NDUFA10: variants seen among roughly 807,000 people sequenced by gnomAD.
The protein encoded by NDUFA10 is NADH dehydrogenase [ubiquinone] 1 alpha subcomplex subunit 10, mitochondrial.
Under a neutral mutation model 47.8 loss-of-function variants are expected in NDUFA10, and 40 were observed. The ratio of observed to expected loss-of-function variants is 0.84; its 90% CI spans 0.65 to 1.09. NDUFA10 has a LOEUF of 1.09. Among genes scored for constraint, NDUFA10 ranks in the 50% least tolerant of loss-of-function variants. The pLI, the probability that NDUFA10 is intolerant of heterozygous loss-of-function variation, is 0.00. For synonymous variants in NDUFA10, 183 were observed against 172.2 expected, an observed-to-expected ratio of 1.06 and a Z score of -0.49; for missense variants, 413 against 451.1, an observed-to-expected ratio of 0.92 and a Z score of 0.76.
At chr2:239,893,259 G>A (rs1047710100) in intron 5 of NDUFA10, among the ~76,000 whole-genome samples, 2 of 152,102 alleles carry the variant, frequency 1.3e-5, no homozygotes, top group Non-Finnish European at 2.9e-5. Context: ...GATCATGATC[G>A]CACAGAGGAC....
intron 7 of NDUFA10, among the ~76,000 whole-genome samples, chr2:240,006,808 C>G (rs564505973): frequency 1.2e-4 from 19 of 152,298 alleles, no homozygotes; most frequent in Admixed American, 2.6e-4. Context: ...TTAATTCTTG[C>G]ATTAACACCA....
chr2:239,895,205 C>G (rs1435997898), exon 5 of NDUFA10: 1 of 459,050 alleles, frequency 2.2e-6, no homozygotes, highest in Admixed American at 2.4e-5. Flanking sequence ...ACTCACTTAC[C>G]TATTCCCAGG....
At chr2:239,982,299 T>C (rs558502444) in intron 9 of NDUFA10, 1 of 1,572,010 alleles carries the variant, frequency 6.4e-7, no homozygotes, top group Admixed American at 1.8e-5. Context: ...TACTTGTCTT[T>C]TGCAATTTTC....
chr2:239,905,547 T>C (rs1406599215), intron 4 of NDUFA10, among the ~76,000 whole-genome samples: 1 of 152,222 alleles, frequency 6.6e-6, no homozygotes, highest in African/African-American at 2.4e-5. Context: ...TGAGCAATGC[T>C]GATTGACATG....
rs369973900 is a variant in NDUFA10 at position 239,964,510 on chromosome 2, G to A, written c.1000-3324C>T. On this transcript the variant is annotated intron_variant, in intron 9 of 9. Transcript: ENST00000252711. The stretch of plus-strand genomic sequence containing the variant: ...GTGGTAGCTGGCAGCAGCAGCAGCA[G>A]ACGACTCCTGCCGGGTGTCTGCTTT... Among the ~76,000 whole-genome samples, 122 of 152,310 alleles carry A rather than the reference G, an allele frequency of 8.0e-4. 2 individuals are homozygous for A. The South Asian group carries it at 0.014, about 18-fold the overall frequency.
intron 9 of NDUFA10, among the ~76,000 whole-genome samples, chr2:239,973,913 T>A (rs1695404275): frequency 6.6e-6 from 1 of 152,144 alleles, no homozygotes; most frequent in African/African-American, 2.4e-5. Flanking sequence ...AATGCTGCTT[T>A]ACTTATTTAT....
rs1697496174 is a variant in NDUFA10, at chr2:240,019,096, C to T, written c.461-457G>A. 1.3e-5 allele frequency among the ~76,000 whole-genome samples: 2 copies of T among 152,142 alleles called. 1 individual carries two copies. The highest frequency in any genetic ancestry group is 4.1e-4 in the South Asian group (2 of 4,832). ...GCTCAGAGCACTAGTCCCCAGGGTC[C>T]CCAGCCAGCCTCCTTGCAGTCAGCC... On this transcript the variant is annotated intron_variant, in intron 3 of 9. Transcript: ENST00000252711.
intron 8 of NDUFA10, 91 bp from the exon 9 acceptor site, chr2:239,990,273 T>G (rs1475720967): frequency 5.0e-6 from 5 of 994,660 alleles, no homozygotes; most frequent in Non-Finnish European, 7.8e-6. Flanking sequence ...AACATCCATA[T>G]AAAAAATCTA....
intron 4 of NDUFA10, among the ~76,000 whole-genome samples, chr2:239,905,456 G>A (rs938380399): frequency 6.6e-6 from 1 of 152,252 alleles, no homozygotes; most frequent in Non-Finnish European, 1.5e-5. Flanking sequence ...GTGGAGCAGG[G>A]CATGCGTATG....
At chr2:239,917,731 T>C (rs1168966277) in intron 4 of NDUFA10, among the ~76,000 whole-genome samples, 2 of 152,228 alleles carry the variant, frequency 1.3e-5, no homozygotes, top group African/African-American at 4.8e-5. Context: ...GAAGTGTACA[T>C]AAAAGTCATG....
In NDUFA10 at chr2:239,990,148, T is replaced by C. The variant is rs1222086753; in HGVS notation, c.925A>G (p.Ser309Gly). The C allele has an allele frequency of 1.1e-5, 18 of 1,613,884 alleles. No individual in the cohort carries two copies. The highest frequency in any genetic ancestry group is 1.4e-5 in the Non-Finnish European group (16 of 1,179,892). The change falls in exon 9 of 10, where the codon AGC (serine) becomes GGC (glycine). Residue 309 changes from serine to glycine, a missense_variant. Coordinates refer to ENST00000252711, the MANE Select transcript of NDUFA10 (RefSeq NM_004544.4). ...ACTTCCGGGAGAAAGATAGGAATGC[T>C]TGTGTAATTCAGCACCTCAAACTTA... ...QDKFEVLNYT[S>G]IPIFLPEVTI...
Position 239,972,814 on chromosome 2 carries a change from G to A in NDUFA10, c.1000-11628C>T, listed in dbSNP as rs768262625. On this transcript the variant is annotated intron_variant, in intron 9 of 9. Transcript: ENST00000252711. Reference sequence around the variant, plus strand: ...CTTATTAGCTGTGAATAATAGAAAAGCTCCTAACCTAAGTGCTTGTTTTAA... The same window carrying A: ...CTTATTAGCTGTGAATAATAGAAAAACTCCTAACCTAAGTGCTTGTTTTAA... 3.3e-5 allele frequency among the ~76,000 whole-genome samples: 5 copies of A among 152,158 alleles called. No homozygotes were observed. In the South Asian group the frequency reaches 6.2e-4, roughly 19 times the overall value.
chr2:239,926,255 TG>T (rs1039095283), intron 4 of NDUFA10, among the ~76,000 whole-genome samples: 1 of 152,226 alleles, frequency 6.6e-6, no homozygotes, highest in Non-Finnish European at 1.5e-5. Flanking sequence ...TTTCCTTCAA[TG>T]GGTGAATGGT....
At chr2:240,002,283 T>C (rs1423198015) in intron 8 of NDUFA10, among the ~76,000 whole-genome samples, 1 of 142,686 alleles carries the variant, frequency 7.0e-6, no homozygotes, top group Non-Finnish European at 1.5e-5. Flanking sequence ...TGAGCTGAGA[T>C]TGCGCCACTG....
chr2:239,953,021 C>T (rs956382267), downstream of NDUFA10, among the ~76,000 whole-genome samples: 1 of 152,222 alleles, frequency 6.6e-6, no homozygotes, highest in African/African-American at 2.4e-5. Flanking sequence ...GCCTTCTTGT[C>T]GGCCCAAGGT....
chr2:240,022,489 T>A, intron 1 of NDUFA10, 149 bp from the exon 2 acceptor site: 7 of 1,250,266 alleles, frequency 5.6e-6, no homozygotes, highest in Non-Finnish European at 7.9e-6. Flanking sequence ...TGTTTAATTA[T>A]CTGTCTATCC....
chr2:239,972,002 G>C (rs1236526007), intron 9 of NDUFA10, among the ~76,000 whole-genome samples: 2 of 152,074 alleles, frequency 1.3e-5, no homozygotes, highest in Non-Finnish European at 2.9e-5. Context: ...CCAGATAAAG[G>C]TGACTCCAAT....
In NDUFA10 at chr2:240,011,656, A is replaced by G; in HGVS notation, c.710T>C (p.Ile237Thr). 2 of 1,613,680 alleles carry G rather than the reference A, an allele frequency of 1.2e-6. No individual in the cohort carries two copies. Among genetic ancestry groups the G allele is most frequent in the African/African-American group, 1.3e-5 (1 of 75,032 alleles). Residue 237 changes from isoleucine to threonine, a missense_variant, in exon 6 of 10, where the codon ATT (isoleucine) becomes ACT (threonine). By Grantham distance (89) the Ile-to-Thr change is moderately conservative. Transcript: ENST00000252711. Reference sequence around the variant, plus strand: ...AAAGGTTTTCTTATAGGCATTCTCAATGTCCTGTAGATAGGCAGAGGTGAT... The same window carrying G: ...AAAGGTTTTCTTATAGGCATTCTCAGTGTCCTGTAGATAGGCAGAGGTGAT... The part of the protein sequence containing the change: ...MKITSAYLQD[I>T]ENAYKKTFLP...
intron 6 of NDUFA10, among the ~76,000 whole-genome samples, chr2:240,008,496 G>A (rs1380961945): frequency 6.6e-6 from 1 of 152,204 alleles, no homozygotes; most frequent in Admixed American, 6.5e-5. Flanking sequence ...AAGTGACAAA[G>A]GAGAATAATT....
Sources: allele counts gnomAD v4.1 joint callset (sites outside exome capture counted in the v4.1 genomes callset), GRCh38; gene constraint gnomAD v4.1.1; transcripts MANE v1.5; gene names NCBI Gene and HGNC (gene_info 2026-07-23, HGNC 2026-07-21).